ZNF335: variants seen among roughly 807,000 people sequenced by gnomAD.
ZNF335 encodes the protein NRC-interacting factor 1.
Under a neutral mutation model 145.6 loss-of-function variants are expected in ZNF335, and 84 were observed. The ratio of observed to expected loss-of-function variants is 0.58; its 90% confidence interval spans 0.48 to 0.69. ZNF335 has a LOEUF of 0.69. ZNF335 is among the 30% of genes least tolerant of loss of function. The probability of loss-of-function intolerance (pLI) is 0.00; values close to 1 mark genes in which losing one functional copy is unlikely to be tolerated. For missense variants in ZNF335, 1,865 were observed against 1,809.7 expected (o/e 1.03, Z -0.55); for synonymous variants, 761 against 717.0 (o/e 1.06, Z -0.98).
chr20:45,969,904 G>A, intron 2 of ZNF335: 1 of 501,540 alleles, frequency 2.0e-6, no homozygotes, highest in Non-Finnish European at 3.4e-6. Context: ...GATCTCATCA[G>A]GGAATACACA....
chr20:45,960,949 G>C, intron 10 of ZNF335, 67 bp from the exon 11 acceptor site: 1 of 1,598,374 alleles, frequency 6.3e-7, no homozygotes. Flanking sequence ...CTCTCACACT[G>C]AACAGACCCA....
chr20:45,970,643 C>T (rs2084041686), intron 2 of ZNF335, among the ~76,000 whole-genome samples: 1 of 152,076 alleles, frequency 6.6e-6, no homozygotes, highest in African/African-American at 2.4e-5. Context: ...AGCTCACAAT[C>T]AAGCACCCTT....
At chr20:45,964,061 G>A in intron 7 of ZNF335, 71 bp from the exon 8 acceptor site, 1 of 1,494,386 alleles carries the variant, frequency 6.7e-7, no homozygotes, top group Non-Finnish European at 8.9e-7. Context: ...GTGGGCCAGA[G>A]GCCAGCCAAA....
intron 20 of ZNF335, among the ~76,000 whole-genome samples, chr20:45,950,914 C>T (rs1334980867): frequency 6.6e-6 from 1 of 151,402 alleles, no homozygotes; most frequent in East Asian, 1.9e-4. Flanking sequence ...TTTTTTGAGA[C>T]AGTTTTGCTC....
intron 22 of ZNF335, 56 bp downstream of exon 22, chr20:45,950,163 G>GC: frequency 1.3e-6 from 2 of 1,582,984 alleles, no homozygotes. Flanking sequence ...TGGGGCAGTG[G>GC]CCCAAGTCTC....
intron 17 of ZNF335, 70 bp from the exon 18 acceptor site, chr20:45,954,018 C>T: frequency 6.7e-7 from 1 of 1,495,764 alleles, no homozygotes; most frequent in East Asian, 2.5e-5. Flanking sequence ...GACGCCTCCC[C>T]CATCTCAGTG....
chr20:45,962,352 G>C (rs1209631355), intron 9 of ZNF335, among the ~76,000 whole-genome samples, 170 bp from the exon 10 acceptor site: 2 of 152,246 alleles, frequency 1.3e-5, no homozygotes, highest in Non-Finnish European at 2.9e-5. Context: ...AAGGCCCGGG[G>C]ACTGTCCCCA....
Position 45,949,858 on chromosome 20 carries a change from T to C in ZNF335, c.3611A>G (p.Gln1204Arg). The change falls in exon 24 of 28, where the codon CAA (glutamine) becomes CGA (arginine). Residue 1204 changes from glutamine (Q) to arginine (R), a missense_variant. Transcript: ENST00000322927. ...VTNQEEAAYI[Q>R]EITTADGQTV... ...CTGGCCATCTGCCGTGGTGATCTCT[T>C]GGATGTAGGCGGCTTCCTCCTGCCA... The C allele has an allele frequency of 6.2e-7, 1 of 1,614,114 alleles. No individual in the cohort carries two copies. The highest frequency in any genetic ancestry group is 8.5e-7 in the Non-Finnish European group (1 of 1,180,000).
At position 45,960,490 on chromosome 20, in the gene ZNF335, T is replaced by C; in HGVS notation, c.1818A>G (p.Lys606=). ...GKSFKKRYTF[K]MHLLTHIQAV... is the part of the protein sequence containing the mutation. ...CCTGGATGTGCGTGAGCAGGTGCAT[T>C]TTGAAGGTGTAGCGCTTCTTAAAGG... Residue 606 remains lysine, a synonymous_variant, in exon 13 of 28, where the codon AAA becomes AAG. Coordinates refer to ENST00000322927, the MANE Select transcript of ZNF335 (RefSeq NM_022095.4). The C allele has an allele frequency of 6.2e-7, 1 of 1,614,152 alleles. No individual in the cohort carries two copies. The highest frequency in any genetic ancestry group is 8.5e-7 in the Non-Finnish European group (1 of 1,180,020).
chr20:45,961,214 CA>C (rs1182342088), intron 10 of ZNF335, among the ~76,000 whole-genome samples: 2 of 151,382 alleles, frequency 1.3e-5, no homozygotes, highest in Non-Finnish European at 2.9e-5. Flanking sequence ...ATCGTCTCTA[CA>C]AAAAAAAATT....
rs767878830 is a variant in ZNF335 at position 45,952,452 on chromosome 20, G to A, written c.2884C>T (p.Leu962=). The change falls in exon 20 of 28, where the codon CTG becomes TTG. Residue 962 remains leucine (L), a synonymous_variant. Transcript: ENST00000322927. Reference sequence around the variant, plus strand: ...TCTCTGGGCAGTCCCCCACACTGCAGCAGGGGCCATTTGGCACCAGAGGCC... The same window carrying A: ...TCTCTGGGCAGTCCCCCACACTGCAACAGGGGCCATTTGGCACCAGAGGCC... ...ALASGAKWPL[L]QCGGLPRDGP... is the part of the protein sequence containing the mutation. 3.2e-6 allele frequency: 5 copies of A among 1,564,502 alleles called. No homozygotes were observed. In the African/African-American group the frequency reaches 4.1e-5, roughly 13 times the overall value.
Position 45,950,410 on chromosome 20 carries a change from C to T in ZNF335, c.3333-37G>A, listed in dbSNP as rs931274324. The T allele has an allele frequency of 6.2e-6, 10 of 1,612,460 alleles. No individual in the cohort carries two copies. The African/African-American group carries it at 1.1e-4, about 17-fold the overall frequency. ...GAAAGGTGGCTCAGGTTAGCTCCACCATACATGCCCAGCAGTCCCCACCCA... is the reference window on the plus strand; with the variant it reads ...GAAAGGTGGCTCAGGTTAGCTCCACTATACATGCCCAGCAGTCCCCACCCA... On this transcript the variant is annotated intron_variant, in intron 21 of 27. Transcript: ENST00000322927.
chr20:45,957,745 C>G (rs981880227), intron 16 of ZNF335, 65 bp from the exon 17 acceptor site: 1 of 1,604,236 alleles, frequency 6.2e-7, no homozygotes, highest in Non-Finnish European at 8.5e-7. Flanking sequence ...CCACCCCCTC[C>G]CCATCTTCCA....
intron 20 of ZNF335, among the ~76,000 whole-genome samples, chr20:45,950,803 C>G (rs770299051): frequency 4.6e-5 from 7 of 152,210 alleles, no homozygotes; most frequent in South Asian, 2.1e-4. Flanking sequence ...GCCATAGATT[C>G]CATCATTATT....
rs200727774 is a variant in ZNF335, at chr20:45,952,390, G to A, written c.2946C>T (p.Cys982=). 5.1e-5 allele frequency: 82 copies of A among 1,600,460 alleles called. No homozygotes were observed. In the East Asian group the frequency reaches 1.7e-3, roughly 32 times the overall value. Residue 982 remains cysteine, a synonymous_variant, in exon 20 of 28, where the codon TGC becomes TGT. Coordinates refer to ENST00000322927, the MANE Select transcript of ZNF335 (RefSeq NM_022095.4). ...AGGCAGAGCTCTGGGAGTCCCCTAC[G>A]CAGTGGGTCTTGGCTGGAGATGGGG... The part of the protein sequence containing the change: ...PEPPSPAKTH[C]VGDSQSSASS...
At position 45,952,284 on chromosome 20, in the gene ZNF335, T is replaced by A. The variant is rs757129766; in HGVS notation, c.3052A>T (p.Lys1018Ter). The A allele has an allele frequency of 9.9e-6, 16 of 1,613,386 alleles. No homozygotes were observed. The highest frequency in any genetic ancestry group is 2.2e-5 in the South Asian group (2 of 91,088). The change falls in exon 20 of 28, where the codon AAG becomes TAG. Residue 1018 changes from lysine (K) to a stop codon, truncating the protein, a stop_gained. Transcript: ENST00000322927. LOFTEE classifies it high-confidence loss of function. ...PPSAATAASK[K>*]FSCKICAEAF... The stretch of plus-strand genomic sequence containing the variant: ...TCGGCACAGATCTTGCAGGAAAACT[T>A]CTTTGATGCAGCAGTGGCTGCAGAT...
In ZNF335 at chr20:45,953,876, C is replaced by A; in HGVS notation, c.2515G>T (p.Ala839Ser). The A allele has an allele frequency of 6.2e-7, 1 of 1,613,746 alleles. No homozygotes were observed. The highest frequency in any genetic ancestry group is 8.5e-7 in the Non-Finnish European group (1 of 1,179,940). Reference protein sequence around the residue: ...SPGGQPSPEGATPQVVTLHVA... With the variant: ...SPGGQPSPEGSTPQVVTLHVA... ...TGGAGGGTGACCACCTGTGGAGTGG[C>A]ACCTTCAGGGGAGGGCTGCCCACCA... is the stretch of plus-strand genomic sequence containing the variant. Residue 839 changes from alanine (A) to serine (S), a missense_variant, in exon 18 of 28, where the codon GCC becomes TCC. Physicochemically the swap from Ala to Ser is moderately conservative, Grantham distance 99. Coordinates refer to ENST00000322927, the MANE Select transcript of ZNF335 (RefSeq NM_022095.4).
At position 45,954,084 on chromosome 20, in the gene ZNF335, T is replaced by C. The variant is rs1408316681; in HGVS notation, c.2443-136A>G. 3 of 1,094,674 alleles carry C rather than the reference T, an allele frequency of 2.7e-6. No homozygotes were observed. The Admixed American group carries it at 8.4e-5, about 30-fold the overall frequency. The allele number at this position is 1,094,674 out of a possible 1,614,324, so 67.8% of individuals were successfully genotyped here. Reference sequence around the variant, plus strand: ...CCAGTGCTGCCACCACTCATTTGAATAGCCCAAGTTCTTTCTAAAATATAC... The same window carrying C: ...CCAGTGCTGCCACCACTCATTTGAACAGCCCAAGTTCTTTCTAAAATATAC... On this transcript the variant is annotated intron_variant, in intron 17 of 27. Transcript: ENST00000322927.
At chr20:45,961,464 C>T (rs1045945414) in intron 10 of ZNF335, 1 of 148,296 alleles carries the variant, frequency 6.7e-6, no homozygotes, top group African/African-American at 2.5e-5. Flanking sequence ...TGAACCTACA[C>T]TAATCTTACT....
Sources: allele counts gnomAD v4.1 joint callset (sites outside exome capture counted in the v4.1 genomes callset), GRCh38; gene constraint gnomAD v4.1.1; transcripts MANE v1.5; gene names NCBI Gene and HGNC (gene_info 2026-07-23, HGNC 2026-07-21).